KSR2: variants seen among roughly 807,000 people sequenced by gnomAD.
KSR2 encodes the protein kinase suppressor of ras 2.
Under a neutral mutation model 107.8 loss-of-function variants are expected in KSR2, and 25 were observed. That is an observed-to-expected ratio of 0.23 (90% CI 0.17 to 0.32). KSR2 has a LOEUF of 0.32. Among genes scored for constraint, KSR2 ranks in the 10% least tolerant of loss-of-function variants. The pLI is 1.00. For synonymous variants in KSR2, 480 were observed against 507.0 expected (o/e 0.95, Z 0.71); for missense variants, 887 against 1,268.9 (o/e 0.70, Z 4.57).
At chr12:117,641,516 C>T (rs1327577156) in intron 5 of KSR2, among the ~76,000 whole-genome samples, 1 of 152,172 alleles carries the variant, frequency 6.6e-6, no homozygotes, top group Non-Finnish European at 1.5e-5. Flanking sequence ...TTTGTTGTCA[C>T]ATGACCTTTC....
chr12:117,780,140 A>T (rs1889835328), intron 3 of KSR2, among the ~76,000 whole-genome samples: 1 of 152,228 alleles, frequency 6.6e-6, no homozygotes, highest in African/African-American at 2.4e-5. Flanking sequence ...AATAAAATAT[A>T]TTGTAAAAAT....
intron 1 of KSR2, among the ~76,000 whole-genome samples, chr12:117,923,238 A>C (rs908278812): frequency 6.6e-5 from 10 of 152,260 alleles, no homozygotes; most frequent in South Asian, 6.2e-4. Flanking sequence ...ATCTATCTAT[A>C]TCTATCTATA....
chr12:117,661,963 T>A (rs1884451057), intron 5 of KSR2, among the ~76,000 whole-genome samples: 1 of 152,200 alleles, frequency 6.6e-6, no homozygotes, highest in African/African-American at 2.4e-5. Flanking sequence ...TATATTTCAA[T>A]GCCTGCAAAT....
At chr12:117,682,105 C>G (rs542126237) in intron 4 of KSR2, among the ~76,000 whole-genome samples, 1 of 152,232 alleles carries the variant, frequency 6.6e-6, no homozygotes, top group African/African-American at 2.4e-5. Flanking sequence ...GAAATGAGAT[C>G]ATGTCCTTTG....
rs1870539810 is a variant in KSR2 at position 117,455,061 on chromosome 12, A to AGAGAGAGAGAGAGAGAGAGG, written c.*12137_*12138insCCTCTCTCTCTCTCTCTCTC. The AGAGAGAGAGAGAGAGAGAGG allele has an allele frequency of 1.3e-5, 2 of 151,474 alleles. No homozygotes were observed. The highest frequency in any genetic ancestry group is 1.5e-5 in the Non-Finnish European group (1 of 68,070). The allele number at this position is 151,474 out of a possible 1,614,324, so 9.4% of individuals were successfully genotyped here. A position where few individuals can be genotyped will look rare whatever the true frequency, so the allele number is the denominator to read the frequency against. ...GAGAGAGAGAGAGAGAGAGAGAGAG[A>AGAGAGAGAGAGAGAGAGAGG]GAGAGAGAGAGGTCTGTAGAGCCAG... On this transcript the variant is annotated 3_prime_UTR_variant, in exon 20 of 20. Transcript: ENST00000339824.
intron 3 of KSR2, among the ~76,000 whole-genome samples, chr12:117,810,173 G>A (rs1229023446): frequency 6.6e-6 from 1 of 151,840 alleles, no homozygotes; most frequent in Non-Finnish European, 1.5e-5. Context: ...TGTTTGTTTT[G>A]TTTTTTTGTT....
chr12:117,580,918 G>A (rs566340687), intron 6 of KSR2, among the ~76,000 whole-genome samples: 1 of 152,208 alleles, frequency 6.6e-6, no homozygotes, highest in East Asian at 1.9e-4. Flanking sequence ...GAATGGGGAT[G>A]AGCCAGGGGC....
chr12:117,553,893 C>G (rs1274375498), intron 9 of KSR2, among the ~76,000 whole-genome samples: 1 of 151,496 alleles, frequency 6.6e-6, no homozygotes, highest in Non-Finnish European at 1.5e-5. Context: ...TCCTTCCTTT[C>G]ACCGTGTGAT....
intron 3 of KSR2, among the ~76,000 whole-genome samples, chr12:117,828,315 GT>G (rs1235163558): frequency 1.3e-5 from 2 of 152,148 alleles, no homozygotes; most frequent in Non-Finnish European, 2.9e-5. Flanking sequence ...GAAAGCCACA[GT>G]CAAGTTCAGG....
intron 12 of KSR2, among the ~76,000 whole-genome samples, chr12:117,529,546 TA>T (rs1875462944): frequency 6.6e-6 from 1 of 151,600 alleles, no homozygotes; most frequent in Non-Finnish European, 1.5e-5. Flanking sequence ...GCACAAGCAA[TA>T]AACCACCTGA....
Position 117,474,138 on chromosome 12 carries a change from T to C in KSR2, c.2582+2326A>G, listed in dbSNP as rs1871635838. Among the ~76,000 whole-genome samples, 2 of 152,204 alleles carry C rather than the reference T, an allele frequency of 1.3e-5. 1 individual carries two copies. Among genetic ancestry groups the C allele is most frequent in the African/African-American group, 4.8e-5 (2 of 41,452 alleles). ...TAAAAGCCTCATTAAAACTTCCTTTTAAACCCAACTTTCAAGAGAAACTCA... is the reference window on the plus strand; with the variant it reads ...TAAAAGCCTCATTAAAACTTCCTTTCAAACCCAACTTTCAAGAGAAACTCA... On this transcript the variant is annotated intron_variant, in intron 17 of 19. Transcript: ENST00000339824.
intron 7 of KSR2, among the ~76,000 whole-genome samples, chr12:117,567,253 T>G (rs1770002931): frequency 6.6e-6 from 1 of 151,834 alleles, no homozygotes; most frequent in Non-Finnish European, 1.5e-5. Flanking sequence ...GAGCTGAGCT[T>G]GAAAGATAAA....
At chr12:117,692,284 A>C (rs892917854) in intron 4 of KSR2, among the ~76,000 whole-genome samples, 5 of 152,150 alleles carry the variant, frequency 3.3e-5, no homozygotes, top group South Asian at 4.2e-4. Flanking sequence ...TAGGGTAGCT[A>C]TAATTTTACA....
chr12:117,512,851 T>A (rs1235755691), intron 14 of KSR2, among the ~76,000 whole-genome samples: 3 of 152,118 alleles, frequency 2.0e-5, no homozygotes, highest in Non-Finnish European at 4.4e-5. Flanking sequence ...TCCTCTATTT[T>A]CTTCCAGTGA....
intron 5 of KSR2, among the ~76,000 whole-genome samples, chr12:117,596,634 A>G (rs1880660885): frequency 6.6e-6 from 1 of 152,228 alleles, no homozygotes; most frequent in South Asian, 2.1e-4. Context: ...ATTTACATTA[A>G]TTAATTAACA....
intron 7 of KSR2, among the ~76,000 whole-genome samples, chr12:117,568,262 C>A (rs2136208326): frequency 6.6e-6 from 1 of 152,230 alleles, no homozygotes; most frequent in African/African-American, 2.4e-5. Context: ...CAGAGGTGTT[C>A]ATCAGAACAC....
chr12:117,916,462 T>C (rs1342371607), intron 1 of KSR2, among the ~76,000 whole-genome samples: 5 of 152,138 alleles, frequency 3.3e-5, no homozygotes, highest in African/African-American at 1.2e-4. Flanking sequence ...ATTTCAAAGG[T>C]AATTTTTTAA....
At chr12:117,679,701 C>A (rs1436607685) in intron 4 of KSR2, among the ~76,000 whole-genome samples, 1 of 152,062 alleles carries the variant, frequency 6.6e-6, no homozygotes, top group Non-Finnish European at 1.5e-5. Flanking sequence ...GTGTAAAACT[C>A]AAGAATTCCT....
intron 3 of KSR2, among the ~76,000 whole-genome samples, chr12:117,817,325 C>A (rs917892061): frequency 1.3e-5 from 2 of 152,138 alleles, no homozygotes; most frequent in Non-Finnish European, 2.9e-5. Flanking sequence ...CTGAGTGTGT[C>A]ATAAGAGATA....
Sources: allele counts gnomAD v4.1 joint callset (sites outside exome capture counted in the v4.1 genomes callset), GRCh38; gene constraint gnomAD v4.1.1; transcripts MANE v1.5; gene names NCBI Gene and HGNC (gene_info 2026-07-23, HGNC 2026-07-21).